The following TACR3 variants were observed in gnomAD, a reference collection of about 807,000 sequenced individuals.
TACR3 encodes the protein neuromedin-K receptor.
A neutral mutation model predicts 35.0 loss-of-function variants in TACR3; 34 were observed. The observed-to-expected ratio is 0.97, with a 90% confidence interval of 0.74 to 1.30. The LOEUF (loss-of-function observed/expected upper bound fraction) is 1.30, where lower values mean the gene tolerates loss of function less well. Among genes scored for constraint, TACR3 ranks in the 50% most tolerant of loss-of-function variants. The pLI is 0.00. For missense variants in TACR3, 558 were observed against 591.7 expected, an observed-to-expected ratio of 0.94 and a Z score of 0.59; for synonymous variants, 233 against 221.1, an observed-to-expected ratio of 1.05 and a Z score of -0.48.
chr4:103,673,111 G>C (rs994292570), intron 1 of TACR3, among the ~76,000 whole-genome samples: 1 of 151,484 alleles, frequency 6.6e-6, no homozygotes, highest in Non-Finnish European at 1.5e-5. Context: ...GTTGTGGCTT[G>C]TTTGATCTTG....
In TACR3 at chr4:103,598,698, G is replaced by T. The variant is rs184750803; in HGVS notation, c.889-7015C>A. 7.2e-5 allele frequency among the ~76,000 whole-genome samples: 11 copies of T among 152,122 alleles called. No homozygotes were observed. The South Asian group carries it at 1.0e-3, about 14-fold the overall frequency. ...GCTAGCCAGTTTTCCCAGCACCATT[G>T]ATTAAATAGGGAATCCTTTCCCCAT... On this transcript the variant is annotated intron_variant, in intron 3 of 4. Coordinates refer to ENST00000304883, the MANE Select transcript of TACR3 (RefSeq NM_001059.3).
intron 1 of TACR3, among the ~76,000 whole-genome samples, chr4:103,717,419 A>C (rs1723113713): frequency 6.6e-6 from 1 of 152,156 alleles, no homozygotes; most frequent in South Asian, 2.1e-4. Context: ...GTATTCATTA[A>C]TTCAAACCAA....
intron 3 of TACR3, among the ~76,000 whole-genome samples, chr4:103,625,397 A>T (rs952543974): frequency 1.1e-4 from 16 of 152,208 alleles, no homozygotes; most frequent in African/African-American, 3.6e-4. Flanking sequence ...TTTTGAAATG[A>T]ACTGTTTCCT....
chr4:103,700,679 T>A (rs1168166627), intron 1 of TACR3, among the ~76,000 whole-genome samples: 1 of 152,172 alleles, frequency 6.6e-6, no homozygotes, highest in Non-Finnish European at 1.5e-5. Context: ...ACATCAAATG[T>A]GTTTTTAAAA....
chr4:103,672,244 T>G (rs768294067), intron 1 of TACR3, among the ~76,000 whole-genome samples: 4 of 152,148 alleles, frequency 2.6e-5, no homozygotes, highest in Non-Finnish European at 4.4e-5. Flanking sequence ...ATCTATGATG[T>G]TCTTAATGCT....
intron 3 of TACR3, among the ~76,000 whole-genome samples, chr4:103,639,246 A>G (rs1041526096): frequency 3.0e-5 from 4 of 132,536 alleles, no homozygotes; most frequent in Non-Finnish European, 6.2e-5. Context: ...TACACCATGG[A>G]ATACTATGCA....
chr4:103,719,304 A>C lies in TACR3; in HGVS notation c.372T>G (p.Leu124=), dbSNP rs1235639306. 6.2e-7 allele frequency: 1 copy of C among 1,614,236 alleles called. No homozygotes were observed. Among genetic ancestry groups the C allele is most frequent in the East Asian group, 2.2e-5 (1 of 44,876 alleles). ...AGGCGTCGGAGAAAGCCAGGTTCAC[A>C]AGGAAGTAGTTGGTGACAGTCCTCA... ...KRMRTVTNYF[L]VNLAFSDASM... is the part of the protein sequence containing the mutation. The change falls in exon 1 of 5, where the codon CTT becomes CTG. Residue 124 remains leucine (L), a synonymous_variant. Transcript: ENST00000304883.
At chr4:103,685,864 C>A (rs1215675309) in intron 1 of TACR3, among the ~76,000 whole-genome samples, 4 of 152,118 alleles carry the variant, frequency 2.6e-5, no homozygotes, top group Admixed American at 6.6e-5. Context: ...TCCCCAGGTC[C>A]ACAGTGTGAA....
At chr4:103,702,002 T>C (rs1722661679) in intron 1 of TACR3, among the ~76,000 whole-genome samples, 1 of 152,182 alleles carries the variant, frequency 6.6e-6, no homozygotes, top group African/African-American at 2.4e-5. Context: ...AAGGACTTCA[T>C]GTCTAAAACA....
At chr4:103,600,102 G>T (rs1724157757) in intron 3 of TACR3, among the ~76,000 whole-genome samples, 1 of 151,952 alleles carries the variant, frequency 6.6e-6, no homozygotes, top group Non-Finnish European at 1.5e-5. Context: ...TTTTTGGTTG[G>T]TAAGCTATTG....
At chr4:103,660,037 A>G (rs968601324) in intron 1 of TACR3, among the ~76,000 whole-genome samples, 8 of 152,176 alleles carry the variant, frequency 5.3e-5, no homozygotes, top group African/African-American at 1.9e-4. Context: ...TGAATATCGC[A>G]TAGGCCAAAA....
chr4:103,670,071 T>C (rs1310345426), intron 1 of TACR3, among the ~76,000 whole-genome samples: 1 of 151,978 alleles, frequency 6.6e-6, no homozygotes, highest in Non-Finnish European at 1.5e-5. Flanking sequence ...TGTTATATGG[T>C]CATTTCTTGT....
chr4:103,668,065 C>A (rs2110335060), intron 1 of TACR3, among the ~76,000 whole-genome samples: 1 of 152,270 alleles, frequency 6.6e-6, no homozygotes, highest in Admixed American at 6.5e-5. Flanking sequence ...ATCCTGAGTT[C>A]AAGTGATGAG....
intron 3 of TACR3, among the ~76,000 whole-genome samples, chr4:103,650,153 G>A (rs138690678): frequency 1.3e-5 from 2 of 152,086 alleles, no homozygotes; most frequent in East Asian, 1.9e-4. Context: ...TCCAGACAGA[G>A]GCTCTTGTTC....
intron 1 of TACR3, among the ~76,000 whole-genome samples, chr4:103,675,477 A>C (rs1726148492): frequency 6.6e-6 from 1 of 152,180 alleles, no homozygotes; most frequent in African/African-American, 2.4e-5. Context: ...AACTGAAGAG[A>C]GTTTAATGAA....
intron 1 of TACR3, among the ~76,000 whole-genome samples, chr4:103,707,393 T>C (rs946392229): frequency 6.6e-5 from 10 of 152,238 alleles, no homozygotes; most frequent in African/African-American, 9.6e-5. Context: ...TTCATATATA[T>C]AACAACCTGG....
At chr4:103,592,067 CT>C (rs1404976898) in intron 3 of TACR3, among the ~76,000 whole-genome samples, 1 of 152,166 alleles carries the variant, frequency 6.6e-6, no homozygotes, top group African/African-American at 2.4e-5. Context: ...AGGAAATCAA[CT>C]GTTAAGTCAC....
intron 1 of TACR3, 97 bp from the exon 2 acceptor site, chr4:103,658,500 A>C (rs917184114): frequency 3.8e-5 from 45 of 1,174,118 alleles, no homozygotes; most frequent in Non-Finnish European, 5.4e-5. Flanking sequence ...CAATAGTTAC[A>C]GTCATTGCTC....
chr4:103,592,167 C>A (rs1383932580), intron 3 of TACR3, among the ~76,000 whole-genome samples: 2 of 152,132 alleles, frequency 1.3e-5, no homozygotes, highest in Non-Finnish European at 2.9e-5. Flanking sequence ...ATTTAGATTT[C>A]TTTAATAGCC....
Sources: gnomAD v4.1 joint callset for allele counts (sites outside exome capture counted in the v4.1 genomes callset) on GRCh38, gnomAD v4.1.1 for gene constraint, MANE v1.5 for transcripts, NCBI Gene and HGNC (gene_info 2026-07-23, HGNC 2026-07-21) for gene names.